SAAL1: variants seen among roughly 807,000 people sequenced by gnomAD.
The protein encoded by SAAL1 is protein SAAL1.
A neutral mutation model predicts 59.8 loss-of-function variants in SAAL1; 42 were observed. That is an observed-to-expected ratio of 0.70 (90% confidence interval 0.55 to 0.91). The LOEUF is 0.91. Among genes scored for constraint, SAAL1 ranks in the 40% least tolerant of loss-of-function variants. The pLI is 0.00. For missense variants in SAAL1, 542 were observed against 561.1 expected (o/e 0.97, Z 0.34); for synonymous variants, 191 against 194.3 (o/e 0.98, Z 0.14).
At chr11:18,091,216 C>T (rs977523683) in intron 4 of SAAL1, among the ~76,000 whole-genome samples, 1 of 151,690 alleles carries the variant, frequency 6.6e-6, no homozygotes, top group Non-Finnish European at 1.5e-5. Flanking sequence ...CTGGTCACAG[C>T]ACATGCATAT....
rs1363200956 is a variant in SAAL1 at position 18,090,478 on chromosome 11, G to C, written c.429C>G (p.His143Gln). 2.5e-6 allele frequency: 4 copies of C among 1,607,594 alleles called. No individual in the cohort carries two copies. In the Admixed American group the frequency reaches 5.2e-5, roughly 21 times the overall value. ...SDKNLGQVLL[H>Q]CLYDSDPPTL... is the part of the protein sequence containing the mutation. ...TAGGTGGGTCTGAATCATACAAACA[G>C]TGCAATAACACCTGCCTACAAAAAC... Residue 143 changes from histidine (H) to glutamine (Q), a missense_variant, in exon 5 of 12, where the codon CAC (histidine) becomes CAG (glutamine). Transcript: ENST00000524803.
chr11:18,090,267 T>A lies in SAAL1; in HGVS notation c.497A>T (p.Gln166Leu). ...AACCCAAACACTGGCCACTTCTGCC[T>A]GGGAAAGGCAAGTAAGCAACAACCT... ...TSRLLLTCLS[Q>L]AEVASVWVER... The change falls in exon 6 of 12, where the codon CAG (glutamine) becomes CTG (leucine). Residue 166 changes from glutamine to leucine, a missense_variant. Transcript: ENST00000524803. The A allele has an allele frequency of 6.2e-7, 1 of 1,601,770 alleles. No individual in the cohort carries two copies. Among genetic ancestry groups the A allele is most frequent in the Non-Finnish European group, 8.5e-7 (1 of 1,177,596 alleles).
rs1267736411 is a variant in SAAL1 at position 18,106,025 on chromosome 11, G to A, written c.17C>T (p.Ser6Leu). The A allele has an allele frequency of 3.1e-6, 5 of 1,607,520 alleles. No individual in the cohort carries two copies. The highest frequency in any genetic ancestry group is 1.7e-5 in the Admixed American group (1 of 59,818). ...CTTGTCGCGACCCGGCGGCGGCGGC[G>A]AGGGGTTGCGGTCCATGACTTTGTC... Reference protein sequence around the residue: MDRNPSPPPPGRDKEE... With the variant: MDRNPLPPPPGRDKEE... The change falls in exon 1 of 12, where the codon TCG (serine) becomes TTG (leucine). Residue 6 changes from serine to leucine, a missense_variant. Ser to Leu is a moderately radical substitution (Grantham distance 145). Coordinates refer to ENST00000524803, the MANE Select transcript of SAAL1 (RefSeq NM_138421.3).
Position 18,105,913 on chromosome 11 carries a change from G to A in SAAL1, c.129C>T (p.Leu43=), listed in dbSNP as rs774968180. The stretch of plus-strand genomic sequence containing the variant: ...GTGGCGCGAGTTTCCACACCTGGAT[G>A]AGTCCGCTGAGGACGCCGAAGAGCC... ...KHWLFGVLSG[L]IQIVSPENTK... is the part of the protein sequence containing the mutation. The change falls in exon 1 of 12, where the codon CTC becomes CTT. Residue 43 remains leucine (L), a synonymous_variant. Transcript: ENST00000524803. 1.7e-5 allele frequency: 28 copies of A among 1,600,624 alleles called. No homozygotes were observed. The highest frequency in any genetic ancestry group is 2.3e-5 in the Non-Finnish European group (27 of 1,174,304).
Position 18,080,335 on chromosome 11 carries a change from A to G in SAAL1, c.*64T>C. On this transcript the variant is annotated 3_prime_UTR_variant, in exon 12 of 12. Coordinates refer to ENST00000524803, the MANE Select transcript of SAAL1 (RefSeq NM_138421.3). ...TTTAGTTAATATTTCCAATAAGTCA[A>G]TTTCAACTGTCAGTGAGAAAAATAA... is the stretch of plus-strand genomic sequence containing the variant. The G allele has an allele frequency of 1.9e-6, 2 of 1,043,696 alleles. No homozygotes were observed. Among genetic ancestry groups the G allele is most frequent in the South Asian group, 1.4e-5 (1 of 70,202 alleles). The allele number at this position is 1,043,696 out of a possible 1,614,324, so 64.7% of individuals were successfully genotyped here.
At chr11:18,105,826 G>A (rs1848683336) in intron 1 of SAAL1, 81 bp downstream of exon 1, 2 of 1,452,880 alleles carry the variant, frequency 1.4e-6, no homozygotes, top group Non-Finnish European at 1.8e-6. Flanking sequence ...GCGGCTCCCG[G>A]GGCAGGAGGA....
chr11:18,089,898 A>C (rs1219244182), intron 6 of SAAL1, among the ~76,000 whole-genome samples: 1 of 152,158 alleles, frequency 6.6e-6, no homozygotes, highest in Non-Finnish European at 1.5e-5. Context: ...AAAAATTTTA[A>C]AATGAGCTGA....
intron 3 of SAAL1, among the ~76,000 whole-genome samples, chr11:18,092,857 T>G (rs1049722390): frequency 6.6e-6 from 1 of 152,194 alleles, no homozygotes; most frequent in African/African-American, 2.4e-5. Flanking sequence ...GACAACATAC[T>G]GAAACAGTAT....
At chr11:18,099,498 A>G (rs1336627724) in intron 2 of SAAL1, among the ~76,000 whole-genome samples, 2 of 152,246 alleles carry the variant, frequency 1.3e-5, no homozygotes, top group Non-Finnish European at 2.9e-5. Context: ...TCTAAATGCT[A>G]CAAAGAAAAT....
rs1201226787 is a variant in SAAL1, at chr11:18,086,939, T to C, written c.969A>G (p.Leu323=). 1.2e-6 allele frequency: 2 copies of C among 1,613,778 alleles called. No individual in the cohort carries two copies. Among genetic ancestry groups the C allele is most frequent in the Admixed American group, 3.3e-5 (2 of 60,014 alleles). ...CAGACAACACTGAAAAAACAGAGGC[T>C]AGCACTGTTTTCTGTTCTTGAAGAA... The part of the protein sequence containing the change: ...PIILQEQKTV[L]ASVFSVLSAI... The change falls in exon 9 of 12, where the codon CTA becomes CTG. Residue 323 remains leucine (L), a synonymous_variant. Coordinates refer to ENST00000524803, the MANE Select transcript of SAAL1 (RefSeq NM_138421.3).
intron 7 of SAAL1, among the ~76,000 whole-genome samples, chr11:18,088,644 A>G (rs191139961): frequency 6.6e-6 from 1 of 152,304 alleles, no homozygotes; most frequent in Admixed American, 6.5e-5. Flanking sequence ...CTGGGGCAGG[A>G]AAGATTCAGT....
chr11:18,102,149 C>T (rs964788882), intron 2 of SAAL1, among the ~76,000 whole-genome samples: 4 of 151,748 alleles, frequency 2.6e-5, no homozygotes, highest in Admixed American at 6.6e-5. Flanking sequence ...CTCCTATAAT[C>T]CCAGCACTTT....
chr11:18,096,923 C>G, intron 2 of SAAL1, 69 bp from the exon 3 acceptor site: 1 of 826,434 alleles, frequency 1.2e-6, no homozygotes, highest in Non-Finnish European at 2.0e-6. Flanking sequence ...CTCAGGCAAC[C>G]ATAAAATTCT....
At position 18,085,944 on chromosome 11, in the gene SAAL1, GAATTT is replaced by G. The variant is rs533044359; in HGVS notation, c.1042+917_1042+921del. On this transcript the variant is annotated intron_variant, in intron 9 of 11. Transcript: ENST00000524803. ...CGAGAATAAATTCTAAATGAATCAT[GAATTT>G]AATTGTGGTCATAAAAACAATTCTG... Among the ~76,000 whole-genome samples, 37 of 152,286 alleles carry G rather than the reference GAATTT, an allele frequency of 2.4e-4. No homozygotes were observed. In the South Asian group the frequency reaches 5.6e-3, roughly 23 times the overall value.
chr11:18,081,710 C>T, intron 10 of SAAL1: 2 of 527,424 alleles, frequency 3.8e-6, no homozygotes, highest in Admixed American at 3.2e-5. Context: ...CACCACCATC[C>T]ACCCTGCTAC....
At chr11:18,090,392 C>G in intron 5 of SAAL1, 42 bp downstream of exon 5, 1 of 1,585,086 alleles carries the variant, frequency 6.3e-7, no homozygotes, top group Non-Finnish European at 8.5e-7. Context: ...CTTATCTACT[C>G]TTATGAGTAA....
rs749346330 is a variant in SAAL1 at position 18,096,787 on chromosome 11, T to C, written c.317A>G (p.Lys106Arg). 1.3e-6 allele frequency: 2 copies of C among 1,570,048 alleles called. No homozygotes were observed. The highest frequency in any genetic ancestry group is 1.4e-5 in the African/African-American group (1 of 73,846). The change falls in exon 3 of 12, where the codon AAG (lysine) becomes AGG (arginine). Residue 106 changes from lysine (K) to arginine (R), a missense_variant. Physicochemically the swap from Lys to Arg is conservative, Grantham distance 26. Transcript: ENST00000524803. ...DIFMGVLAKS[K>R]CPRLREICVG... Reference sequence around the variant, plus strand: ...CATACTTACTCTTAATCGAGGACACTTGGACTTGGCCAGTACTCCCATGAA... The same window carrying C: ...CATACTTACTCTTAATCGAGGACACCTGGACTTGGCCAGTACTCCCATGAA...
intron 7 of SAAL1, 105 bp downstream of exon 7, chr11:18,089,225 A>G (rs529560312): frequency 1.0e-6 from 1 of 964,706 alleles, no homozygotes; most frequent in Non-Finnish European, 1.5e-6. Flanking sequence ...AGGAGTGACT[A>G]TGTACTTTAT....
In SAAL1 at chr11:18,080,497, A is replaced by C. The variant is rs1248462721; in HGVS notation, c.1333-6T>G. ...ATTTTAATAAAATCTTCCACCTGTG[A>C]GTCAAACAAACAAACAAAAATCAAA... On this transcript the variant is annotated splice_region_variant and splice_polypyrimidine_tract_variant and intron_variant, in intron 11 of 11. Coordinates refer to ENST00000524803, the MANE Select transcript of SAAL1 (RefSeq NM_138421.3). 10 of 1,567,186 alleles carry C rather than the reference A, an allele frequency of 6.4e-6. No individual in the cohort carries two copies. In the South Asian group the frequency reaches 1.2e-4, roughly 19 times the overall value.
Sources: allele counts gnomAD v4.1 joint callset (sites outside exome capture counted in the v4.1 genomes callset), GRCh38; gene constraint gnomAD v4.1.1; transcripts MANE v1.5; gene names NCBI Gene and HGNC (gene_info 2026-07-23, HGNC 2026-07-21).